The following METTL8 variants were observed in gnomAD, a reference collection of about 807,000 sequenced individuals.
METTL8 encodes methyltransferase 8, tRNA N3-cytidine, also known as tRNA N(3)-cytidine methyltransferase METTL8, mitochondrial.
In METTL8, 32 loss-of-function variants were observed where a neutral mutation model predicts 48.7. The ratio of observed to expected loss-of-function variants is 0.66; its 90% CI spans 0.50 to 0.88. The LOEUF (loss-of-function observed/expected upper bound fraction) is 0.88. Among genes scored for constraint, METTL8 ranks in the 40% least tolerant of loss-of-function variants. METTL8 has a pLI of 0.00. For synonymous variants in METTL8, 136 were observed against 157.1 expected (o/e 0.87, Z 1.01); for missense variants, 464 against 474.4 (o/e 0.98, Z 0.20).
chr2:171,364,798 AAACCAAAG>A (rs1363684798), intron 2 of METTL8, among the ~76,000 whole-genome samples: 6 of 152,210 alleles, frequency 3.9e-5, no homozygotes, highest in Non-Finnish European at 8.8e-5. Flanking sequence ...AATCAGATAT[AAACCAAAG>A]TACCCAATAT....
At chr2:171,354,921 C>G (rs953396096) in intron 3 of METTL8, among the ~76,000 whole-genome samples, 1 of 152,114 alleles carries the variant, frequency 6.6e-6, no homozygotes, top group East Asian at 1.9e-4. Context: ...TCCTTTAGCT[C>G]AGAGAAGTTT....
chr2:171,334,727 G>C (rs1685905111), intron 5 of METTL8, among the ~76,000 whole-genome samples: 1 of 152,184 alleles, frequency 6.6e-6, no homozygotes, highest in South Asian at 2.1e-4. Flanking sequence ...AAGAAAGACA[G>C]AGCTAAGAAG....
At chr2:171,369,080 C>T (rs1686023271) in intron 2 of METTL8, among the ~76,000 whole-genome samples, 1 of 151,476 alleles carries the variant, frequency 6.6e-6, no homozygotes, top group Non-Finnish European at 1.5e-5. Flanking sequence ...CCAAGGTAGG[C>T]GGATCACGAG....
intron 2 of METTL8, among the ~76,000 whole-genome samples, chr2:171,386,917 C>T (rs1167464528): frequency 1.3e-5 from 2 of 152,224 alleles, no homozygotes; most frequent in African/African-American, 4.8e-5. Flanking sequence ...CACCAGCAGG[C>T]CACCCACCAG....
intron 2 of METTL8, among the ~76,000 whole-genome samples, chr2:171,390,509 A>C (rs1688485803): frequency 1.3e-5 from 2 of 152,254 alleles, no homozygotes; most frequent in African/African-American, 4.8e-5. Flanking sequence ...CATTAAGAAC[A>C]TTTGTGATTC....
intron 2 of METTL8, among the ~76,000 whole-genome samples, chr2:171,380,614 A>G (rs1172502287): frequency 6.6e-6 from 1 of 152,226 alleles, no homozygotes; most frequent in Non-Finnish European, 1.5e-5. Context: ...ATAGACGAGC[A>G]GAGAGCCAAA....
intron 1 of METTL8, among the ~76,000 whole-genome samples, chr2:171,424,523 A>G (rs1692204929): frequency 6.6e-6 from 1 of 151,868 alleles, no homozygotes; most frequent in Non-Finnish European, 1.5e-5. Flanking sequence ...CATGCCCTGG[A>G]TATGAGACAT....
intron 1 of METTL8, among the ~76,000 whole-genome samples, chr2:171,396,456 C>T (rs1468621447): frequency 3.3e-5 from 5 of 152,044 alleles, no homozygotes; most frequent in African/African-American, 1.2e-4. Flanking sequence ...ATTAATACAG[C>T]CCTACCAATT....
chr2:171,326,058 C>T lies in METTL8; in HGVS notation c.951G>A (p.Gln317=). 1 of 1,540,794 alleles carries T rather than the reference C, an allele frequency of 6.5e-7. No individual in the cohort carries two copies. Among genetic ancestry groups the T allele is most frequent in the Non-Finnish European group, 8.8e-7 (1 of 1,138,786 alleles). The part of the protein sequence containing the change: ...FRDYGRYDKT[Q]LRFKKGHCLS... ...TACTATTACCCTTTTTAAAACGAAG[C>T]TGAGTCTTATCATATCTTCCATAGT... Residue 317 remains glutamine (Q), a synonymous_variant, in exon 8 of 10, where the codon CAG becomes CAA. Transcript: ENST00000375258.
At chr2:171,324,470 A>T in intron 9 of METTL8, 108 bp from the exon 10 acceptor site, 1 of 997,200 alleles carries the variant, frequency 1.0e-6, no homozygotes, top group Admixed American at 2.8e-5. Context: ...CATTTATACA[A>T]GAAACACTCT....
intron 1 of METTL8, among the ~76,000 whole-genome samples, chr2:171,417,703 T>C (rs997098927): frequency 6.6e-6 from 1 of 152,212 alleles, no homozygotes; most frequent in Non-Finnish European, 1.5e-5. Context: ...TGCTGCATTT[T>C]TAAAGTAAAC....
At chr2:171,363,893 A>C (rs1685455128) in intron 2 of METTL8, among the ~76,000 whole-genome samples, 1 of 146,162 alleles carries the variant, frequency 6.8e-6, no homozygotes, top group African/African-American at 2.5e-5. Context: ...GCTCACTGCA[A>C]CCTCCACCTC....
intron 7 of METTL8, 96 bp from the exon 8 acceptor site, chr2:171,326,244 G>A: frequency 1.5e-6 from 1 of 661,692 alleles, no homozygotes; most frequent in Non-Finnish European, 2.6e-6. Context: ...AGAAAAGCTT[G>A]ATAAGGCCAA....
At chr2:171,378,532 T>C (rs373925806) in intron 2 of METTL8, among the ~76,000 whole-genome samples, 1 of 152,054 alleles carries the variant, frequency 6.6e-6, no homozygotes, top group African/African-American at 2.4e-5. Flanking sequence ...CTTGGGAAGC[T>C]GAGGCAGAAG....
intron 1 of METTL8, among the ~76,000 whole-genome samples, chr2:171,401,206 T>C (rs1185024867): frequency 2.6e-5 from 4 of 152,132 alleles, no homozygotes; most frequent in Non-Finnish European, 5.9e-5. Flanking sequence ...AGCGCTACTG[T>C]TGTACTTTTT....
chr2:171,352,718 T>G (rs1055842286), intron 3 of METTL8, among the ~76,000 whole-genome samples: 34 of 152,336 alleles, frequency 2.2e-4, no homozygotes, highest in Middle Eastern at 3.4e-3. Context: ...TGTCCAGGAA[T>G]TTATCCATTT....
chr2:171,418,181 G>A (rs1266765997), intron 1 of METTL8, among the ~76,000 whole-genome samples: 1 of 152,162 alleles, frequency 6.6e-6, no homozygotes, highest in African/African-American at 2.4e-5. Context: ...CTGACCTCAT[G>A]ATCCACCCGT....
chr2:171,354,199 A>G (rs1297403567), intron 3 of METTL8, among the ~76,000 whole-genome samples: 2 of 152,128 alleles, frequency 1.3e-5, no homozygotes, highest in Non-Finnish European at 2.9e-5. Context: ...AAAGGATTTT[A>G]TTTCTCCTTC....
intron 2 of METTL8, among the ~76,000 whole-genome samples, chr2:171,382,109 A>G (rs913120597): frequency 1.3e-5 from 2 of 152,044 alleles, no homozygotes; most frequent in African/African-American, 4.8e-5. Flanking sequence ...GTTGGTGGGC[A>G]TGTAAATTAG....
Sources: gnomAD v4.1 joint callset for allele counts (sites outside exome capture counted in the v4.1 genomes callset) on GRCh38, gnomAD v4.1.1 for gene constraint, MANE v1.5 for transcripts, NCBI Gene and HGNC (gene_info 2026-07-23, HGNC 2026-07-21) for gene names.